Variants in TMBIM1 observed in about 807,000 individuals in gnomAD.
The protein encoded by TMBIM1 is transmembrane BAX inhibitor motif containing 1.
TMBIM1 carries 34 observed loss-of-function variants against 45.1 expected under a neutral mutation model. The observed-to-expected ratio is 0.75, with a 90% CI of 0.57 to 1.00. TMBIM1 has a LOEUF of 1.00. Ranked by LOEUF, TMBIM1 falls within the 50% of genes least tolerant of loss-of-function variation. TMBIM1 has a pLI of 0.00. For synonymous variants in TMBIM1, 157 were observed against 153.5 expected, an observed-to-expected ratio of 1.02 and a Z score of -0.17; for missense variants, 374 against 402.4, an observed-to-expected ratio of 0.93 and a Z score of 0.60.
intron 1 of TMBIM1, among the ~76,000 whole-genome samples, chr2:218,285,141 C>T (rs1692404999): frequency 6.6e-6 from 1 of 152,074 alleles, no homozygotes; most frequent in Non-Finnish European, 1.5e-5. Flanking sequence ...GAAACCCGAC[C>T]CCTGATCAAT....
At position 218,277,745 on chromosome 2, in the gene TMBIM1, T is replaced by A. The variant is rs917491489; in HGVS notation, c.514-75A>T. ...CAGGGTGCTGGGGGAGTGGCCATGG[T>A]GGCCTCTGCCAGAGCTGGGGAACGC... On this transcript the variant is annotated intron_variant, in intron 7 of 11. Coordinates refer to ENST00000258412, the MANE Select transcript of TMBIM1 (RefSeq NM_022152.6). 1.9e-6 allele frequency: 3 copies of A among 1,594,630 alleles called. No individual in the cohort carries two copies. In the African/African-American group the frequency reaches 4.0e-5, roughly 21 times the overall value.
chr2:218,279,947 G>A, intron 3 of TMBIM1, 79 bp downstream of exon 3: 1 of 1,012,904 alleles, frequency 9.9e-7, no homozygotes, highest in Non-Finnish European at 1.6e-6. Context: ...GATGCCCTGG[G>A]GCTACTGTGG....
intron 1 of TMBIM1, among the ~76,000 whole-genome samples, 188 bp downstream of exon 1, chr2:218,292,278 G>A (rs1014309079): frequency 2.0e-5 from 3 of 152,094 alleles, no homozygotes; most frequent in African/African-American, 4.8e-5. Context: ...GCGCGCCCAG[G>A]GAGAGCGAAA....
intron 2 of TMBIM1, 118 bp downstream of exon 2, chr2:218,281,822 G>A (rs1692033480): frequency 1.1e-6 from 1 of 873,818 alleles, no homozygotes; most frequent in East Asian, 2.7e-5. Flanking sequence ...TCTCAACAGA[G>A]AAGATGAGAA....
chr2:218,277,238 C>CACAGAA, intron 9 of TMBIM1, 128 bp downstream of exon 9: 2 of 1,166,980 alleles, frequency 1.7e-6, no homozygotes, highest in Non-Finnish European at 2.6e-6. Context: ...AGAAACAGGA[C>CACAGAA]ACAGTTTTGT....
intron 1 of TMBIM1, among the ~76,000 whole-genome samples, chr2:218,290,949 G>A (rs1317574090): frequency 2.0e-5 from 3 of 152,146 alleles, no homozygotes; most frequent in African/African-American, 4.8e-5. Context: ...CTCTCTGGTC[G>A]TCCCAGTTCA....
chr2:218,288,650 T>C (rs1692714148), intron 1 of TMBIM1, among the ~76,000 whole-genome samples: 1 of 152,192 alleles, frequency 6.6e-6, no homozygotes, highest in African/African-American at 2.4e-5. Context: ...TTAGGGACGC[T>C]CAACCAGTAA....
chr2:218,287,605 G>A (rs948333329), intron 1 of TMBIM1, among the ~76,000 whole-genome samples: 1 of 152,194 alleles, frequency 6.6e-6, no homozygotes, highest in Non-Finnish European at 1.5e-5. Context: ...AGCTACTCGG[G>A]AGGCTGAGGC....
chr2:218,291,968 A>C (rs1692957839), intron 1 of TMBIM1, among the ~76,000 whole-genome samples: 3 of 137,420 alleles, frequency 2.2e-5, no homozygotes, highest in Non-Finnish European at 1.6e-5. Flanking sequence ...TTAAATATTC[A>C]CCTGTCTACA....
intron 5 of TMBIM1, 53 bp downstream of exon 5, chr2:218,278,985 C>G: frequency 6.2e-7 from 1 of 1,606,420 alleles, no homozygotes; most frequent in Non-Finnish European, 8.5e-7. Context: ...CACCTAGAAA[C>G]AGAAGCTGCC....
intron 1 of TMBIM1, among the ~76,000 whole-genome samples, chr2:218,285,571 C>T (rs1310932769): frequency 2.0e-5 from 3 of 152,240 alleles, no homozygotes; most frequent in Non-Finnish European, 4.4e-5. Flanking sequence ...TGGAAAGAAA[C>T]TCACCCAAGG....
rs115455172 is a variant in TMBIM1 at position 218,282,635 on chromosome 2, G to A, written c.-40-454C>T. On this transcript the variant is annotated intron_variant, in intron 1 of 11. Transcript: ENST00000258412. Reference sequence around the variant, plus strand: ...GCTCTGCCCCTGCCACAGCTGACGGGGATGCCAGGCCTGGAAGCCAGAGCT... The same window carrying A: ...GCTCTGCCCCTGCCACAGCTGACGGAGATGCCAGGCCTGGAAGCCAGAGCT... 2.0e-3 allele frequency among the ~76,000 whole-genome samples: 308 copies of A among 152,362 alleles called. 3 individuals are homozygous for A. Among genetic ancestry groups the A allele is most frequent in the African/African-American group, 6.9e-3 (285 of 41,586 alleles).
intron 1 of TMBIM1, among the ~76,000 whole-genome samples, chr2:218,289,644 A>AAC (rs1553662546): frequency 6.6e-6 from 1 of 151,340 alleles, no homozygotes; most frequent in Non-Finnish European, 1.5e-5. Flanking sequence ...AAAAAAAAAA[A>AAC]AACTGAAAGA....
intron 11 of TMBIM1, 30 bp downstream of exon 11, chr2:218,275,996 T>A: frequency 1.2e-6 from 2 of 1,602,652 alleles, no homozygotes; most frequent in Non-Finnish European, 1.7e-6. Context: ...TCCCCTCAGC[T>A]CCCCTTCCTA....
At chr2:218,279,492 G>T in intron 3 of TMBIM1, 139 bp from the exon 4 acceptor site, 1 of 660,676 alleles carries the variant, frequency 1.5e-6, no homozygotes, top group Non-Finnish European at 2.5e-6. Context: ...CCAGTGAGAT[G>T]CCTGGCTCAG....
At chr2:218,277,913 C>T in intron 7 of TMBIM1, 22 bp downstream of exon 7, 1 of 1,614,126 alleles carries the variant, frequency 6.2e-7, no homozygotes, top group Non-Finnish European at 8.5e-7. Context: ...TCCACACCCT[C>T]CTGCCACCCT....
In TMBIM1 at chr2:218,277,675, G is replaced by A; in HGVS notation, c.514-5C>T. 1 of 1,614,152 alleles carries A rather than the reference G, an allele frequency of 6.2e-7. No individual in the cohort carries two copies. Among genetic ancestry groups the A allele is most frequent in the East Asian group, 2.2e-5 (1 of 44,876 alleles). ...CATGAAGCCCATGGCAAAAGTCTAA[G>A]GGAAGGAGAGAGACAAGAATGAAAC... On this transcript the variant is annotated splice_polypyrimidine_tract_variant and splice_region_variant and intron_variant, in intron 7 of 11. Coordinates refer to ENST00000258412, the MANE Select transcript of TMBIM1 (RefSeq NM_022152.6).
intron 2 of TMBIM1, 32 bp from the exon 3 acceptor site, chr2:218,280,158 G>GTCCCC: frequency 6.6e-7 from 1 of 1,508,000 alleles, no homozygotes; most frequent in Non-Finnish European, 9.2e-7. Context: ...CTCAGCTGGG[G>GTCCCC]ACCTGAGACA....
chr2:218,292,129 C>A (rs1692968574), intron 1 of TMBIM1, among the ~76,000 whole-genome samples: 1 of 152,304 alleles, frequency 6.6e-6, no homozygotes, highest in Non-Finnish European at 1.5e-5. Flanking sequence ...GGTGGATAGG[C>A]CCTGCGACAG....
Sources: allele counts gnomAD v4.1 joint callset (sites outside exome capture counted in the v4.1 genomes callset), GRCh38; gene constraint gnomAD v4.1.1; transcripts MANE v1.5; gene names NCBI Gene and HGNC (gene_info 2026-07-23, HGNC 2026-07-21).